Variants in SYS1 observed in about 807,000 individuals in gnomAD.
SYS1 encodes protein SYS1 homolog.
In SYS1, 8 loss-of-function variants were observed where a neutral mutation model predicts 17.8. The observed-to-expected ratio is 0.45, with a 90% CI of 0.26 to 0.81. The LOEUF (loss-of-function observed/expected upper bound fraction) is 0.81. SYS1 is among the 40% of genes least tolerant of loss of function. SYS1 has a pLI of 0.16. For missense variants in SYS1, 161 were observed against 203.9 expected (o/e 0.79, Z 1.28); for synonymous variants, 95 against 90.9 (o/e 1.05, Z -0.26).
chr20:45,367,263 T>C lies in SYS1; in HGVS notation c.*148T>C, dbSNP rs1433819847. On this transcript the variant is annotated 3_prime_UTR_variant, in exon 4 of 4. Coordinates refer to ENST00000243918, the MANE Select transcript of SYS1 (RefSeq NM_033542.4). ...GTTTGGGAGAGATAGTGAGGGCCTGTCAAAGAAGGCAGGTAGCAGTCAGCA... is the reference window on the plus strand; with the variant it reads ...GTTTGGGAGAGATAGTGAGGGCCTGCCAAAGAAGGCAGGTAGCAGTCAGCA... The C allele has an allele frequency of 6.8e-7, 1 of 1,465,364 alleles. No homozygotes were observed. The highest frequency in any genetic ancestry group is 9.0e-7 in the Non-Finnish European group (1 of 1,111,666). 90.8% of individuals were successfully genotyped at this position (1,465,364 alleles called of 1,614,324 possible).
intron 3 of SYS1, chr20:45,365,900 T>C (rs1423678691): frequency 8.5e-6 from 5 of 585,094 alleles, no homozygotes; most frequent in Non-Finnish European, 1.5e-5. Context: ...ATGTTTGTGC[T>C]GCCTGCAAGA....
downstream of SYS1, among the ~76,000 whole-genome samples, chr20:45,369,993 C>T (rs537037595): frequency 6.6e-6 from 1 of 151,862 alleles, no homozygotes; most frequent in South Asian, 2.1e-4. Flanking sequence ...GGCCCAATCT[C>T]AGCTTACTGC....
At chr20:45,364,450 GT>G in intron 2 of SYS1, among the ~76,000 whole-genome samples, 1 of 149,914 alleles carries the variant, frequency 6.7e-6, no homozygotes, top group Non-Finnish European at 1.5e-5. Context: ...CTGTGGCGTG[GT>G]GATGAGCACA....
In SYS1 at chr20:45,368,524, T is replaced by C. The variant is rs527635476; in HGVS notation, c.*1409T>C. On this transcript the variant is annotated 3_prime_UTR_variant, in exon 4 of 4. Coordinates refer to ENST00000243918, the MANE Select transcript of SYS1 (RefSeq NM_033542.4). ...TTATGGTAACACAAATGAGTTTTGCTATCTCTCTGAGAAGCTCATCTGACC... is the reference window on the plus strand; with the variant it reads ...TTATGGTAACACAAATGAGTTTTGCCATCTCTCTGAGAAGCTCATCTGACC... The C allele has an allele frequency of 3.0e-5, 30 of 985,444 alleles. No individual in the cohort carries two copies. In the South Asian group the frequency reaches 1.2e-3, roughly 40 times the overall value. The allele number at this position is 985,444 out of a possible 1,614,324, so 61.0% of individuals were successfully genotyped here.
At chr20:45,374,003 C>G, downstream of SYS1, 3 of 1,614,020 alleles carry the variant, frequency 1.9e-6, no homozygotes, top group Non-Finnish European at 2.5e-6. Context: ...TCGTCCAGGT[C>G]ACATCAACCT....
Position 45,367,883 on chromosome 20 carries a change from C to A in SYS1, c.*768C>A. 2.0e-6 allele frequency: 2 copies of A among 985,850 alleles called. No homozygotes were observed. The highest frequency in any genetic ancestry group is 2.4e-6 in the Non-Finnish European group (2 of 829,964). 61.1% of individuals were successfully genotyped at this position (985,850 alleles called of 1,614,324 possible). The stretch of plus-strand genomic sequence containing the variant: ...TGCCTGTCTTCTAGGAATGACCAGG[C>A]ACCCAGCTCCCACTGGACTCCAATT... On this transcript the variant is annotated 3_prime_UTR_variant, in exon 4 of 4. Coordinates refer to ENST00000243918, the MANE Select transcript of SYS1 (RefSeq NM_033542.4).
downstream of SYS1, among the ~76,000 whole-genome samples, chr20:45,371,891 C>T (rs949077786): frequency 5.9e-5 from 9 of 152,276 alleles, no homozygotes; most frequent in East Asian, 5.8e-4. Flanking sequence ...ACTGGCTTCT[C>T]CTACATCAAG....
At position 45,368,830 on chromosome 20, in the gene SYS1, C is replaced by T. The variant is rs1988496805; in HGVS notation, c.*1715C>T. ...CATGTGACTAACTTTGAAAGAACACCCATCATGTGGCTGCTGTCACCCTTG... is the reference window on the plus strand; with the variant it reads ...CATGTGACTAACTTTGAAAGAACACTCATCATGTGGCTGCTGTCACCCTTG... On this transcript the variant is annotated 3_prime_UTR_variant, in exon 4 of 4. Coordinates refer to ENST00000243918, the MANE Select transcript of SYS1 (RefSeq NM_033542.4). The T allele has an allele frequency of 5.1e-6, 5 of 985,266 alleles. No homozygotes were observed. Among genetic ancestry groups the T allele is most frequent in the African/African-American group, 1.7e-5 (1 of 57,212 alleles). 61.0% of individuals were successfully genotyped at this position (985,266 alleles called of 1,614,324 possible).
At chr20:45,373,397 ACAAT>A (rs1158248129), downstream of SYS1, 2 of 169,622 alleles carry the variant, frequency 1.2e-5, no homozygotes, top group Non-Finnish European at 2.6e-5. Flanking sequence ...TCAGTTTTTG[ACAAT>A]CAATTTTTGA....
chr20:45,368,532 T>C lies in SYS1; in HGVS notation c.*1417T>C. 1 of 985,442 alleles carries C rather than the reference T, an allele frequency of 1.0e-6. No homozygotes were observed. The highest frequency in any genetic ancestry group is 1.2e-6 in the Non-Finnish European group (1 of 829,932). 61.0% of individuals were successfully genotyped at this position (985,442 alleles called of 1,614,324 possible). A position where few individuals can be genotyped will look rare whatever the true frequency, so the allele number is the denominator to read the frequency against. On this transcript the variant is annotated 3_prime_UTR_variant, in exon 4 of 4. Transcript: ENST00000243918. Reference sequence around the variant, plus strand: ...ACACAAATGAGTTTTGCTATCTCTCTGAGAAGCTCATCTGACCTCCTGACT... The same window carrying C: ...ACACAAATGAGTTTTGCTATCTCTCCGAGAAGCTCATCTGACCTCCTGACT...
Position 45,368,585 on chromosome 20 carries a change from G to T in SYS1, c.*1470G>T. 9.1e-6 allele frequency: 9 copies of T among 985,414 alleles called. No individual in the cohort carries two copies. Among genetic ancestry groups the T allele is most frequent in the Non-Finnish European group, 9.6e-6 (8 of 829,934 alleles). 61.0% of individuals were successfully genotyped at this position (985,414 alleles called of 1,614,324 possible). On this transcript the variant is annotated 3_prime_UTR_variant, in exon 4 of 4. Coordinates refer to ENST00000243918, the MANE Select transcript of SYS1 (RefSeq NM_033542.4). The stretch of plus-strand genomic sequence containing the variant: ...CAGCCCTACAGAGTAGGGAGTTGAT[G>T]CTGACAGGATGAAGATTTAGGAATA...
upstream of SYS1, among the ~76,000 whole-genome samples, chr20:45,362,548 C>G (rs1600742259): frequency 6.6e-6 from 1 of 152,000 alleles, no homozygotes; most frequent in South Asian, 2.1e-4. Flanking sequence ...GTATTTTTAG[C>G]AGAGACGGGG....
chr20:45,374,871 T>C, exon 4 of SYS1: 3 of 852,094 alleles, frequency 3.5e-6, no homozygotes, highest in Non-Finnish European at 5.4e-6. Context: ...CTGTATGATG[T>C]TGGTCTAAGG....
rs1988283057 is a variant in SYS1 at position 45,363,307 on chromosome 20, C to G, written c.-12C>G. 7.4e-7 allele frequency: 1 copy of G among 1,350,370 alleles called. No individual in the cohort carries two copies. Among genetic ancestry groups the G allele is most frequent in the Admixed American group, 3.3e-5 (1 of 30,006 alleles). The allele number at this position is 1,350,370 out of a possible 1,614,324, so 83.6% of individuals were successfully genotyped here. A position where few individuals can be genotyped will look rare whatever the true frequency, so the allele number is the denominator to read the frequency against. On this transcript the variant is annotated 5_prime_UTR_variant, in exon 1 of 4. Transcript: ENST00000243918. ...CGCTCAGACACTTCGATCGTCGAGT[C>G]TGTCACTGGTGAGTAGACCCCAGAG...
Position 45,365,123 on chromosome 20 carries a change from A to C in SYS1, c.163-496A>C, listed in dbSNP as rs145378709. 2.0e-3 allele frequency: 492 copies of C among 251,212 alleles called. 3 individuals carry two copies. Among genetic ancestry groups the C allele is most frequent in the African/African-American group, 0.011 (467 of 44,460 alleles). 15.6% of individuals were successfully genotyped at this position (251,212 alleles called of 1,614,324 possible). On this transcript the variant is annotated intron_variant, in intron 2 of 3. Transcript: ENST00000243918. Reference sequence around the variant, plus strand: ...AGAGCCATATGATGCACACAACCTGAGTTCTAGCCTAGGGATCAGCAAACC... The same window carrying C: ...AGAGCCATATGATGCACACAACCTGCGTTCTAGCCTAGGGATCAGCAAACC...
chr20:45,372,783 G>A (rs1988593653), downstream of SYS1: 1 of 152,218 alleles, frequency 6.6e-6, no homozygotes, highest in Non-Finnish European at 1.5e-5. Flanking sequence ...AGATTGCGCT[G>A]GGAGCAGGAG....
chr20:45,373,580 G>A (rs2145364146), downstream of SYS1: 2 of 391,756 alleles, frequency 5.1e-6, no homozygotes, highest in South Asian at 6.1e-5. Context: ...GTGAGCCTGG[G>A]CAAGTTACTT....
intron 2 of SYS1, among the ~76,000 whole-genome samples, chr20:45,363,928 A>G (rs977575116): frequency 1.2e-4 from 19 of 152,234 alleles, no homozygotes; most frequent in African/African-American, 4.6e-4. Context: ...TCTGTGTTCC[A>G]GGCAACTCTG....
chr20:45,374,767 G>C (rs1600755680), exon 4 of SYS1: 1 of 502,744 alleles, frequency 2.0e-6, no homozygotes, highest in East Asian at 3.3e-5. Flanking sequence ...CCTCTGCTAA[G>C]GCCTTCAGGC....
Sources: allele counts gnomAD v4.1 joint callset (sites outside exome capture counted in the v4.1 genomes callset), GRCh38; gene constraint gnomAD v4.1.1; transcripts MANE v1.5; gene names NCBI Gene and HGNC (gene_info 2026-07-23, HGNC 2026-07-21).